The following MARCHF4 variants were observed in gnomAD, a reference collection of about 807,000 sequenced individuals.
The protein encoded by MARCHF4 is E3 ubiquitin-protein ligase MARCHF4.
MARCHF4 carries 14 observed loss-of-function variants against 43.9 expected under a neutral mutation model. The ratio of observed to expected loss-of-function variants is 0.32; its 90% CI spans 0.21 to 0.50. The LOEUF (loss-of-function observed/expected upper bound fraction) is 0.50. Ranked by LOEUF, MARCHF4 falls within the 20% of genes least tolerant of loss-of-function variation. The pLI is 0.98. For synonymous variants in MARCHF4, 226 were observed against 213.3 expected (o/e 1.06, Z -0.52); for missense variants, 468 against 536.7 (o/e 0.87, Z 1.27).
At chr2:216,331,638 T>G (rs866874632) in intron 1 of MARCHF4, among the ~76,000 whole-genome samples, 1 of 152,174 alleles carries the variant, frequency 6.6e-6, no homozygotes, top group East Asian at 1.9e-4. Context: ...AGATCAGGAC[T>G]AAGCGGATTT....
chr2:216,288,384 G>GT (rs1381662050), intron 1 of MARCHF4, among the ~76,000 whole-genome samples: 1 of 152,082 alleles, frequency 6.6e-6, no homozygotes, highest in East Asian at 1.9e-4. Context: ...TAATTTCATA[G>GT]TTTTTTCTTC....
chr2:216,327,998 A>C (rs1692023049), intron 1 of MARCHF4, among the ~76,000 whole-genome samples: 1 of 151,942 alleles, frequency 6.6e-6, no homozygotes. Flanking sequence ...GAAAAGAAAG[A>C]AAGCTCTCTG....
At chr2:216,277,399 T>C (rs568764142) in intron 3 of MARCHF4, among the ~76,000 whole-genome samples, 1 of 152,144 alleles carries the variant, frequency 6.6e-6, no homozygotes, top group Non-Finnish European at 1.5e-5. Flanking sequence ...TAACAATTTT[T>C]CCCAAATCCT....
intron 1 of MARCHF4, among the ~76,000 whole-genome samples, chr2:216,296,414 C>T (rs1691395809): frequency 6.6e-6 from 1 of 152,146 alleles, no homozygotes; most frequent in African/African-American, 2.4e-5. Flanking sequence ...ATGTCTCTTC[C>T]TAAGGACTCA....
chr2:216,263,301 C>T (rs1024286406), intron 3 of MARCHF4, among the ~76,000 whole-genome samples: 1 of 152,060 alleles, frequency 6.6e-6, no homozygotes, highest in East Asian at 1.9e-4. Context: ...GTGACACGCG[C>T]CTGTAATCCC....
At chr2:216,271,957 A>ATTTTTTTTT (rs57629851) in intron 3 of MARCHF4, among the ~76,000 whole-genome samples, 11 of 100,578 alleles carry the variant, frequency 1.1e-4, no homozygotes, top group African/African-American at 4.5e-4. Flanking sequence ...CACCTGGCTA[A>ATTTTTTTTT]TTTTTTTTTT....
chr2:216,321,689 A>G (rs957688696), intron 1 of MARCHF4: 3 of 152,196 alleles, frequency 2.0e-5, no homozygotes, highest in African/African-American at 7.2e-5. Context: ...GAAAAGAAAG[A>G]AGAGACAAAG....
intron 1 of MARCHF4, among the ~76,000 whole-genome samples, chr2:216,347,824 CTT>C (rs201604123): frequency 7.2e-5 from 10 of 139,624 alleles, no homozygotes; most frequent in Admixed American, 7.1e-5. Context: ...GCACAGGGTT[CTT>C]TTTTTTTTTT....
chr2:216,277,919 C>T (rs1691054714), intron 2 of MARCHF4, 55 bp from the exon 3 acceptor site: 1 of 1,495,594 alleles, frequency 6.7e-7, no homozygotes, highest in East Asian at 2.3e-5. Flanking sequence ...TATCCCATTC[C>T]CACCCCTCTT....
At chr2:216,310,899 G>T (rs986572001) in intron 1 of MARCHF4, among the ~76,000 whole-genome samples, 1 of 152,142 alleles carries the variant, frequency 6.6e-6, no homozygotes, top group Non-Finnish European at 1.5e-5. Context: ...ACTTCAGTGA[G>T]GATAGACTAG....
chr2:216,321,000 T>G (rs1470900719), intron 1 of MARCHF4, among the ~76,000 whole-genome samples: 1 of 151,828 alleles, frequency 6.6e-6, no homozygotes, highest in Non-Finnish European at 1.5e-5. Context: ...TTAAGTAAGA[T>G]TTTGCAAAAT....
intron 3 of MARCHF4, among the ~76,000 whole-genome samples, chr2:216,267,131 A>G (rs1690858328): frequency 6.6e-6 from 1 of 152,168 alleles, no homozygotes; most frequent in East Asian, 1.9e-4. Flanking sequence ...TGTGACAGAG[A>G]TGGCTAACGG....
chr2:216,355,138 A>T (rs1692481215), intron 1 of MARCHF4, among the ~76,000 whole-genome samples: 2 of 151,722 alleles, frequency 1.3e-5, no homozygotes, highest in African/African-American at 4.9e-5. Flanking sequence ...CACCTGGCTC[A>T]TTTTTGTATT....
chr2:216,302,253 C>G (rs1216834193), intron 1 of MARCHF4, among the ~76,000 whole-genome samples: 1 of 152,060 alleles, frequency 6.6e-6, no homozygotes, highest in African/African-American at 2.4e-5. Context: ...GAGTCTCGCT[C>G]TGTCACCCAG....
At chr2:216,347,138 C>T (rs1397672658) in intron 1 of MARCHF4, among the ~76,000 whole-genome samples, 1 of 152,146 alleles carries the variant, frequency 6.6e-6, no homozygotes, top group Non-Finnish European at 1.5e-5. Context: ...CCAACTAAAC[C>T]TATTTTCTTT....
intron 1 of MARCHF4, among the ~76,000 whole-genome samples, chr2:216,285,675 AC>A (rs1167024539): frequency 6.6e-6 from 1 of 152,156 alleles, no homozygotes; most frequent in Non-Finnish European, 1.5e-5. Flanking sequence ...TATTTGGCAC[AC>A]CCATCACGGC....
intron 1 of MARCHF4, among the ~76,000 whole-genome samples, chr2:216,355,879 C>G (rs1411952471): frequency 1.3e-5 from 2 of 152,168 alleles, no homozygotes; most frequent in African/African-American, 4.8e-5. Flanking sequence ...TCCCCCAACC[C>G]CTCAATCTTC....
At chr2:216,296,270 C>T (rs1290764404) in intron 1 of MARCHF4, among the ~76,000 whole-genome samples, 4 of 151,826 alleles carry the variant, frequency 2.6e-5, no homozygotes, top group Admixed American at 6.6e-5. Context: ...CGCTTGCACC[C>T]GGGAGGCAGA....
At chr2:216,354,912 T>C (rs56379240) in intron 1 of MARCHF4, among the ~76,000 whole-genome samples, 3 of 90,554 alleles carry the variant, frequency 3.3e-5, no homozygotes, top group African/African-American at 9.9e-5. Flanking sequence ...TCTTTCTTTC[T>C]TTCTTTCTTT....
Sources: allele counts gnomAD v4.1 joint callset (sites outside exome capture counted in the v4.1 genomes callset), GRCh38; gene constraint gnomAD v4.1.1; transcripts MANE v1.5; gene names NCBI Gene and HGNC (gene_info 2026-07-23, HGNC 2026-07-21).